Variants in HDAC9 observed in about 807,000 individuals in gnomAD.
HDAC9 encodes the protein MEF-2 interacting transcription repressor (MITR) protein.
HDAC9 carries 41 observed loss-of-function variants against 139.4 expected under a neutral mutation model. The ratio of observed to expected loss-of-function variants is 0.29; its 90% CI spans 0.23 to 0.38. The LOEUF (loss-of-function observed/expected upper bound fraction) is 0.38. Ranked by LOEUF, HDAC9 falls within the 10% of genes least tolerant of loss-of-function variation. The pLI is 1.00. For missense variants in HDAC9, 1,147 were observed against 1,297.0 expected, an observed-to-expected ratio of 0.88 and a Z score of 1.78; for synonymous variants, 517 against 476.2, an observed-to-expected ratio of 1.09 and a Z score of -1.12.
At chr7:18,133,980 A>AT (rs1256088263) in intron 1 of HDAC9, among the ~76,000 whole-genome samples, 6,352 of 133,598 alleles carry the variant, frequency 0.048, 454 homozygotes, top group African/African-American at 0.16. Flanking sequence ...TCATCCATCT[A>AT]TTTTTTTTTT....
At chr7:18,313,290 C>G (rs1212508690) in intron 1 of HDAC9, among the ~76,000 whole-genome samples, 3 of 152,068 alleles carry the variant, frequency 2.0e-5, no homozygotes, top group Admixed American at 6.6e-5. Context: ...GTGACCTGGT[C>G]CATTCTGCAT....
Position 18,793,194 on chromosome 7 carries a change from T to C in HDAC9, c.2215-151T>C, listed in dbSNP as rs559745166. 3.2e-4 allele frequency: 206 copies of C among 641,036 alleles called. 1 individual carries two copies. The highest frequency in any genetic ancestry group is 3.2e-4 in the Non-Finnish European group (112 of 352,610). The allele number at this position is 641,036 out of a possible 1,614,324, so 39.7% of individuals were successfully genotyped here. The stretch of plus-strand genomic sequence containing the variant: ...GACGGAAGACTAATGTTATTGTACA[T>C]AGGCTGTTACCCTGCCAGCCCTTCC... On this transcript the variant is annotated intron_variant, in intron 16 of 25. Coordinates refer to ENST00000686413, the MANE Select transcript of HDAC9 (RefSeq NM_178425.4).
At position 18,996,878 on chromosome 7, in the gene HDAC9, G is replaced by C. The variant is rs976096814; in HGVS notation, c.*816G>C. On this transcript the variant is annotated 3_prime_UTR_variant, in exon 26 of 26. Coordinates refer to ENST00000686413, the MANE Select transcript of HDAC9 (RefSeq NM_178425.4). ...CACATCCTTTGTTCTCATGACAGTA[G>C]GTCTGAGCAAATGTTCCACCAAGCA... 6 of 152,136 alleles carry C rather than the reference G, an allele frequency of 3.9e-5. No individual in the cohort carries two copies. The highest frequency in any genetic ancestry group is 1.2e-4 in the African/African-American group (5 of 41,426). 9.4% of individuals were successfully genotyped at this position (152,136 alleles called of 1,614,324 possible).
At chr7:18,732,786 CGTGTGTTT>C (rs1786306794) in intron 13 of HDAC9, among the ~76,000 whole-genome samples, 3 of 82,152 alleles carry the variant, frequency 3.7e-5, no homozygotes, top group Non-Finnish European at 6.4e-5. Context: ...TGTACACACA[CGTGTGTTT>C]GTGTGCGTAT....
intron 22 of HDAC9, among the ~76,000 whole-genome samples, chr7:18,934,359 C>T (rs1001391556): frequency 6.6e-6 from 1 of 151,932 alleles, no homozygotes; most frequent in Admixed American, 6.6e-5. Flanking sequence ...AGATTAACCC[C>T]ATTCATGAAC....
chr7:18,486,973 A>G (rs1454808788), intron 1 of HDAC9, among the ~76,000 whole-genome samples: 1 of 152,010 alleles, frequency 6.6e-6, no homozygotes, highest in Non-Finnish European at 1.5e-5. Context: ...TGCCAAGGAG[A>G]TCATCTTTGG....
intron 17 of HDAC9, among the ~76,000 whole-genome samples, chr7:18,819,085 G>C (rs1794776072): frequency 1.3e-5 from 2 of 152,052 alleles, no homozygotes; most frequent in African/African-American, 4.8e-5. Flanking sequence ...TTCAAGACCA[G>C]CCTGGCCAAC....
chr7:18,992,675 T>C (rs1017178350), intron 25 of HDAC9, among the ~76,000 whole-genome samples: 3 of 152,190 alleles, frequency 2.0e-5, no homozygotes, highest in African/African-American at 7.2e-5. Flanking sequence ...TTTAATTTAA[T>C]ACTACATCTT....
chr7:18,449,405 T>C (rs1278182924), intron 1 of HDAC9, among the ~76,000 whole-genome samples: 1 of 152,138 alleles, frequency 6.6e-6, no homozygotes, highest in Non-Finnish European at 1.5e-5. Context: ...TTTATAAAGT[T>C]AAAAATATGG....
chr7:18,798,871 A>G (rs752108079), intron 17 of HDAC9, among the ~76,000 whole-genome samples: 2 of 152,168 alleles, frequency 1.3e-5, no homozygotes, highest in Non-Finnish European at 2.9e-5. Context: ...AGAAAGCCAC[A>G]TGTATGATAG....
chr7:18,769,068 A>G (rs114211685), intron 16 of HDAC9, among the ~76,000 whole-genome samples: 2,562 of 152,232 alleles, frequency 0.017, 78 homozygotes, highest in African/African-American at 0.058. Context: ...GACATTTTCA[A>G]ACTACAGTGG....
chr7:18,968,178 A>C (rs1784006571), intron 24 of HDAC9, among the ~76,000 whole-genome samples: 1 of 152,224 alleles, frequency 6.6e-6, no homozygotes, highest in South Asian at 2.1e-4. Context: ...GAAAGAAAGA[A>C]AAAAGAAACT....
chr7:18,931,972 T>C (rs965584859), intron 22 of HDAC9, among the ~76,000 whole-genome samples: 2 of 152,100 alleles, frequency 1.3e-5, no homozygotes, highest in African/African-American at 4.8e-5. Flanking sequence ...ACACAAAGTG[T>C]GAACCTCAAC....
Position 18,968,086 on chromosome 7 carries a change from C to T in HDAC9, c.3023-7720C>T, listed in dbSNP as rs527424748. On this transcript the variant is annotated intron_variant, in intron 24 of 25. Transcript: ENST00000686413. ...CCGAGGCAAGAGAATCGCTTGAACC[C>T]GGGAGGCGGAGGATGCAGAGAGCCG... 1.7e-3 allele frequency among the ~76,000 whole-genome samples: 263 copies of T among 152,108 alleles called. 1 individual carries two copies. The highest frequency in any genetic ancestry group is 6.1e-3 in the African/African-American group (253 of 41,504).
At chr7:18,407,903 T>C (rs888534018) in intron 1 of HDAC9, among the ~76,000 whole-genome samples, 1 of 152,216 alleles carries the variant, frequency 6.6e-6, no homozygotes, top group African/African-American at 2.4e-5. Flanking sequence ...TAAATTATTT[T>C]TCAGATAGAG....
At chr7:18,219,597 A>T (rs1159321315) in intron 2 of HDAC9, among the ~76,000 whole-genome samples, 1 of 152,188 alleles carries the variant, frequency 6.6e-6, no homozygotes, top group East Asian at 1.9e-4. Flanking sequence ...GTCTGAAAAA[A>T]TAATAAAAAC....
chr7:18,089,837 C>G (rs529288485), intron 1 of HDAC9, among the ~76,000 whole-genome samples: 1 of 152,124 alleles, frequency 6.6e-6, no homozygotes, highest in South Asian at 2.1e-4. Context: ...GCATCTGTAC[C>G]TTCTCATTAG....
chr7:18,461,807 A>T (rs1793871144), intron 1 of HDAC9, among the ~76,000 whole-genome samples: 1 of 152,194 alleles, frequency 6.6e-6, no homozygotes, highest in Non-Finnish European at 1.5e-5. Flanking sequence ...AAACTGTTAC[A>T]CTAAAAATGT....
chr7:18,322,566 G>C (rs1243865549), intron 1 of HDAC9, among the ~76,000 whole-genome samples: 3 of 152,130 alleles, frequency 2.0e-5, no homozygotes, highest in Non-Finnish European at 2.9e-5. Context: ...CATATTGAAA[G>C]GATCTAATTC....
Sources: gnomAD v4.1 joint callset for allele counts (sites outside exome capture counted in the v4.1 genomes callset) on GRCh38, gnomAD v4.1.1 for gene constraint, MANE v1.5 for transcripts, NCBI Gene and HGNC (gene_info 2026-07-23, HGNC 2026-07-21) for gene names.